The following POU2F1 variants were observed in gnomAD, a reference collection of about 807,000 sequenced individuals.
POU2F1 encodes POU class 2 homeobox 1, also known as POU domain, class 2, transcription factor 1.
A neutral mutation model predicts 84.9 loss-of-function variants in POU2F1; 16 were observed. The observed-to-expected ratio is 0.19, with a 90% CI of 0.13 to 0.29. The LOEUF (loss-of-function observed/expected upper bound fraction) is 0.29. Among genes scored for constraint, POU2F1 ranks in the 10% least tolerant of loss-of-function variants. POU2F1 has a pLI of 1.00. For synonymous variants in POU2F1, 368 were observed against 368.3 expected (o/e 1.00, Z 0.01); for missense variants, 738 against 942.6 (o/e 0.78, Z 2.84).
chr1:167,275,709 T>C (rs937768804), intron 1 of POU2F1, among the ~76,000 whole-genome samples: 2 of 152,136 alleles, frequency 1.3e-5, no homozygotes, highest in African/African-American at 4.8e-5. Context: ...TAATGGTAAA[T>C]TTTAAATTCT....
chr1:167,245,785 G>A (rs781071661), intron 1 of POU2F1, among the ~76,000 whole-genome samples: 5 of 152,112 alleles, frequency 3.3e-5, no homozygotes, highest in Non-Finnish European at 7.4e-5. Context: ...TCAAACTCCT[G>A]GGCTTAAGCA....
At chr1:167,275,945 A>G (rs1357251244) in intron 1 of POU2F1, among the ~76,000 whole-genome samples, 1 of 152,344 alleles carries the variant, frequency 6.6e-6, no homozygotes, top group East Asian at 1.9e-4. Context: ...ATTTTATAAC[A>G]GAGATGGTGG....
intron 3 of POU2F1, among the ~76,000 whole-genome samples, chr1:167,368,173 A>C (rs1217055191): frequency 7.2e-5 from 11 of 152,190 alleles, no homozygotes; most frequent in Admixed American, 7.2e-4. Flanking sequence ...AATCCAGAAC[A>C]ATTCCTCAGC....
intron 2 of POU2F1, among the ~76,000 whole-genome samples, chr1:167,339,253 C>T (rs114947629): frequency 1.7e-3 from 257 of 152,258 alleles, no homozygotes; most frequent in Non-Finnish European, 3.1e-3. Flanking sequence ...TCTTTAAACA[C>T]TTACTATCCT....
intron 1 of POU2F1, among the ~76,000 whole-genome samples, chr1:167,260,578 A>G (rs142515102): frequency 1.3e-5 from 2 of 152,240 alleles, no homozygotes; most frequent in East Asian, 3.9e-4. Context: ...ATGGATTTCT[A>G]ATTCTCTCAA....
chr1:167,392,205 G>T (rs1557952745), intron 9 of POU2F1, among the ~76,000 whole-genome samples: 1 of 151,974 alleles, frequency 6.6e-6, no homozygotes, highest in Admixed American at 6.6e-5. Context: ...ACAAAAATTA[G>T]CCGGGCGTGC....
intron 1 of POU2F1, among the ~76,000 whole-genome samples, chr1:167,240,638 C>T (rs1649829994): frequency 6.6e-6 from 1 of 152,168 alleles, no homozygotes; most frequent in South Asian, 2.1e-4. Context: ...TCCTAGATAA[C>T]TGAAAATCTA....
At position 167,412,070 on chromosome 1, in the gene POU2F1, C is replaced by T; in HGVS notation, c.1667C>T (p.Ser556Phe). Residue 556 changes from serine to phenylalanine, a missense_variant, in exon 14 of 16, where the codon TCC becomes TTC. Ser to Phe is a radical substitution (Grantham distance 155). This residue lies in a region of POU2F1 where 319 missense variants were observed against 386.0 expected (regional missense o/e 0.83). Transcript: ENST00000367866. ...AGTCCCTCCCCTTCTGCCTCAGCCT[C>T]CACCTCCGAGGCATCCAGTGCCAGT... The part of the protein sequence containing the change: ...SLSPSPSASA[S>F]TSEASSASET... 6.2e-7 allele frequency: 1 copy of T among 1,614,234 alleles called. No individual in the cohort carries two copies. The highest frequency in any genetic ancestry group is 1.3e-5 in the African/African-American group (1 of 75,060).
At chr1:167,328,438 C>T (rs1656853550) in intron 1 of POU2F1, among the ~76,000 whole-genome samples, 1 of 152,170 alleles carries the variant, frequency 6.6e-6, no homozygotes, top group African/African-American at 2.4e-5. Flanking sequence ...TCTTGACAGC[C>T]TTGTGTTCTG....
At chr1:167,366,263 A>G (rs372781710) in intron 3 of POU2F1, among the ~76,000 whole-genome samples, 7 of 152,114 alleles carry the variant, frequency 4.6e-5, no homozygotes, top group African/African-American at 7.2e-5. Flanking sequence ...GAGTGTCTCA[A>G]CCTCTTGACT....
chr1:167,283,510 T>A (rs1653310896), intron 1 of POU2F1, among the ~76,000 whole-genome samples: 1 of 152,174 alleles, frequency 6.6e-6, no homozygotes, highest in Non-Finnish European at 1.5e-5. Context: ...GATAAATGAC[T>A]AGGATAAGAA....
intron 2 of POU2F1, among the ~76,000 whole-genome samples, chr1:167,364,528 CAAAA>C (rs1157561323): frequency 3.9e-5 from 2 of 51,848 alleles, no homozygotes; most frequent in African/African-American, 6.4e-5. Context: ...AGCTCCGTCT[CAAAA>C]AAAAAAAAAA....
At chr1:167,342,375 A>G (rs1657918093) in intron 2 of POU2F1, among the ~76,000 whole-genome samples, 1 of 152,238 alleles carries the variant, frequency 6.6e-6, no homozygotes, top group Non-Finnish European at 1.5e-5. Context: ...TTCCAAAAAT[A>G]CTGTCATCCA....
At chr1:167,339,203 T>C (rs188764858) in intron 2 of POU2F1, among the ~76,000 whole-genome samples, 17 of 152,228 alleles carry the variant, frequency 1.1e-4, no homozygotes, top group Non-Finnish European at 2.1e-4. Flanking sequence ...CCTGCTTCCA[T>C]CATCATATTT....
At chr1:167,320,508 A>G (rs1332572431) in intron 1 of POU2F1, among the ~76,000 whole-genome samples, 2 of 152,240 alleles carry the variant, frequency 1.3e-5, no homozygotes, top group African/African-American at 2.4e-5. Context: ...AAGTAAGACT[A>G]TTTGTAAAAG....
At chr1:167,293,955 A>G (rs1038708842) in intron 1 of POU2F1, among the ~76,000 whole-genome samples, 17 of 152,148 alleles carry the variant, frequency 1.1e-4, no homozygotes, top group Non-Finnish European at 1.9e-4. Context: ...ACAAAAGTCA[A>G]TTCAAGATGG....
At chr1:167,248,820 T>C (rs1392515402) in intron 1 of POU2F1, among the ~76,000 whole-genome samples, 2 of 152,224 alleles carry the variant, frequency 1.3e-5, no homozygotes, top group East Asian at 3.8e-4. Flanking sequence ...GCTTTGTATT[T>C]TCCATGTATT....
At chr1:167,270,787 T>G (rs1436572543) in intron 1 of POU2F1, among the ~76,000 whole-genome samples, 1 of 152,234 alleles carries the variant, frequency 6.6e-6, no homozygotes, top group Non-Finnish European at 1.5e-5. Flanking sequence ...AACACTTGTT[T>G]GTGGATAGGG....
chr1:167,270,762 A>G (rs1652312941), intron 1 of POU2F1, among the ~76,000 whole-genome samples: 1 of 152,308 alleles, frequency 6.6e-6, no homozygotes, highest in Non-Finnish European at 1.5e-5. Flanking sequence ...AACAGTTTTA[A>G]TATGGGTGCA....
Sources: gnomAD v4.1 joint callset for allele counts (sites outside exome capture counted in the v4.1 genomes callset) on GRCh38, gnomAD v4.1.1 for gene constraint, gnomAD v4.1.1 regional missense constraint, MANE v1.5 for transcripts, NCBI Gene and HGNC (gene_info 2026-07-23, HGNC 2026-07-21) for gene names.